SPC24: variants seen among roughly 807,000 people sequenced by gnomAD.
The protein encoded by SPC24 is SPC24 component of NDC80 kinetochore complex.
A neutral mutation model predicts 27.6 loss-of-function variants in SPC24; 31 were observed. The ratio of observed to expected loss-of-function variants is 1.12; its 90% CI spans 0.84 to 1.52. The LOEUF is 1.52. SPC24 is among the 40% of genes most tolerant of loss of function. SPC24 has a pLI of 0.00. For synonymous variants in SPC24, 105 were observed against 105.8 expected, an observed-to-expected ratio of 0.99 and a Z score of 0.05; for missense variants, 284 against 252.5, an observed-to-expected ratio of 1.12 and a Z score of -0.84.
intron 1 of SPC24, among the ~76,000 whole-genome samples, chr19:11,149,964 C>G (rs1328851317): frequency 6.6e-6 from 1 of 151,766 alleles, no homozygotes; most frequent in Non-Finnish European, 1.5e-5. Flanking sequence ...CCCGCCTCAG[C>G]TTCCCAAAGT....
chr19:11,149,114 G>A lies in SPC24; in HGVS notation c.285C>T (p.Thr95=), dbSNP rs2077850918. Reference sequence around the variant, plus strand: ...GATATAGGAGGCTGGCCTTCAGACGGGTGTCCTCCTCCCCAGCCTCCTGAA... The same window carrying A: ...GATATAGGAGGCTGGCCTTCAGACGAGTGTCCTCCTCCCCAGCCTCCTGAA... ...AGLQEAGEED[T]RLKASLLQLT... The change falls in exon 2 of 5, where the codon ACC becomes ACT. Residue 95 remains threonine (T), a synonymous_variant. Coordinates refer to ENST00000592540, the MANE Select transcript of SPC24 (RefSeq NM_182513.4). 6.5e-7 allele frequency: 1 copy of A among 1,545,312 alleles called. No individual in the cohort carries two copies. Among genetic ancestry groups the A allele is most frequent in the Non-Finnish European group, 8.7e-7 (1 of 1,145,270 alleles).
intron 1 of SPC24, among the ~76,000 whole-genome samples, chr19:11,153,513 G>A (rs1823527173): frequency 6.6e-6 from 1 of 152,104 alleles, no homozygotes; most frequent in African/African-American, 2.4e-5. Context: ...TATATTCCCA[G>A]CACTTTGGGA....
Position 11,147,286 on chromosome 19 carries a change from T to G in SPC24, c.491A>C (p.His164Pro), listed in dbSNP as rs1037808352. 1.3e-6 allele frequency: 2 copies of G among 1,563,538 alleles called. No individual in the cohort carries two copies. The highest frequency in any genetic ancestry group is 1.7e-6 in the Non-Finnish European group (2 of 1,153,234). ...ECEPGMVKGI[H>P]HGPSVAQPIH... ...GGGCTGGGCCACACTGGGGCCATGA[T>G]GGACTGAGGCACAGATGTAAGGAAA... The change falls in exon 5 of 5, where the codon CAT becomes CCT. Residue 164 changes from histidine (H) to proline (P), a missense_variant. His to Pro is a moderately conservative substitution (Grantham distance 77). Transcript: ENST00000592540.
intron 1 of SPC24, among the ~76,000 whole-genome samples, 158 bp downstream of exon 1, chr19:11,155,459 G>C (rs1365405218): frequency 2.6e-5 from 4 of 152,222 alleles, no homozygotes; most frequent in African/African-American, 9.6e-5. Context: ...CGATTTCTCA[G>C]ATGGTGAAAC....
intron 4 of SPC24, chr19:11,147,613 T>C (rs962878484): frequency 2.5e-5 from 15 of 593,072 alleles, no homozygotes; most frequent in African/African-American, 2.4e-4. Flanking sequence ...TTACTATATT[T>C]ATTATAGACG....
Position 11,147,200 on chromosome 19 carries a change from C to T in SPC24, c.577G>A (p.Val193Met). Reference sequence around the variant, plus strand: ...GCTCCTGGCTACCACTCGGTGTCCACCAGACTCCAGAGGTAGTCGCTGATG... The same window carrying T: ...GCTCCTGGCTACCACTCGGTGTCCATCAGACTCCAGAGGTAGTCGCTGATG... ...KFISDYLWSL[V>M]DTEW The change falls in exon 5 of 5, where the codon GTG (valine) becomes ATG (methionine). Residue 193 changes from valine (V) to methionine (M), a missense_variant. By Grantham distance (21) the Val-to-Met change is conservative. Coordinates refer to ENST00000592540, the MANE Select transcript of SPC24 (RefSeq NM_182513.4). 1 of 1,553,690 alleles carries T rather than the reference C, an allele frequency of 6.4e-7. No individual in the cohort carries two copies. The highest frequency in any genetic ancestry group is 8.7e-7 in the Non-Finnish European group (1 of 1,148,032).
rs1207630221 is a variant in SPC24, at chr19:11,145,715, T to C, written c.*1468A>G. The C allele has an allele frequency of 6.6e-6, 1 of 152,212 alleles. No individual in the cohort carries two copies. The highest frequency in any genetic ancestry group is 6.6e-5 in the Admixed American group (1 of 15,262). 9.4% of individuals were successfully genotyped at this position (152,212 alleles called of 1,614,324 possible). On this transcript the variant is annotated 3_prime_UTR_variant, in exon 5 of 5. Transcript: ENST00000592540. ...CACGTGGCAGTATGGCTGCCAGGGC[T>C]CCAGCCATCACACCCACATTCCAGG...
chr19:11,146,948 C>CAA lies in SPC24; in HGVS notation c.*234_*235insTT, dbSNP rs1438691285. On this transcript the variant is annotated 3_prime_UTR_variant, in exon 5 of 5. Transcript: ENST00000592540. ...ACAAAAAATTAGCTGGGTGTGGTGG[C>CAA]GCATGCCTGTAATCCCAGCTACTTT... 1 of 264,022 alleles carries CAA rather than the reference C, an allele frequency of 3.8e-6. No individual in the cohort carries two copies. The highest frequency in any genetic ancestry group is 7.3e-6 in the Non-Finnish European group (1 of 136,546). The allele number at this position is 264,022 out of a possible 1,614,324, so 16.4% of individuals were successfully genotyped here.
chr19:11,154,621 A>G (rs555131099), intron 1 of SPC24, among the ~76,000 whole-genome samples: 37 of 152,338 alleles, frequency 2.4e-4, no homozygotes, highest in African/African-American at 8.2e-4. Context: ...TCCATGAAAT[A>G]AGCCAGACAC....
Position 11,147,913 on chromosome 19 carries a change from A to G in SPC24, c.411-19T>C. 3 of 993,512 alleles carry G rather than the reference A, an allele frequency of 3.0e-6. No homozygotes were observed. The highest frequency in any genetic ancestry group is 3.8e-5 in the South Asian group (2 of 52,926). The allele number at this position is 993,512 out of a possible 1,614,324, so 61.5% of individuals were successfully genotyped here. ...CACGTACCTGTACAGGAAGACAAAA[A>G]AAAAAAAAAAAAAAAAAGAAAGTTA... On this transcript the variant is annotated intron_variant, in intron 3 of 4. Coordinates refer to ENST00000592540, the MANE Select transcript of SPC24 (RefSeq NM_182513.4).
chr19:11,151,174 AAAAAAAAAAAT>A (rs1399737022), intron 1 of SPC24, among the ~76,000 whole-genome samples: 2 of 151,764 alleles, frequency 1.3e-5, no homozygotes, highest in Non-Finnish European at 2.9e-5. Context: ...AAAAAAAAAA[AAAAAAAAAAAT>A]GCTTCCCAAA....
rs1266298523 is a variant in SPC24 at position 11,149,182 on chromosome 19, C to A, written c.217G>T (p.Val73Leu). 1 of 1,550,656 alleles carries A rather than the reference C, an allele frequency of 6.4e-7. No individual in the cohort carries two copies. Among genetic ancestry groups the A allele is most frequent in the Non-Finnish European group, 8.7e-7 (1 of 1,146,886 alleles). Residue 73 changes from valine to leucine, a missense_variant, in exon 2 of 5, where the codon GTG (valine) becomes TTG (leucine). Transcript: ENST00000592540. ...AQSLLNAKEQ[V>L]HQGGVELQQL... ...TGCAGCTCCACGCCTCCCTGGTGCA[C>A]CTGCTCCTTCGCATTGAGAAGGCTC...
At chr19:11,147,324 C>A (rs1419429486) in intron 4 of SPC24, 35 bp from the exon 5 acceptor site, 1 of 1,407,506 alleles carries the variant, frequency 7.1e-7, no homozygotes, top group Non-Finnish European at 9.7e-7. Context: ...CCGGGACACA[C>A]AGCCCCTCAC....
intron 2 of SPC24, 46 bp from the exon 3 acceptor site, chr19:11,148,163 C>T (rs771445127): frequency 7.6e-7 from 1 of 1,324,096 alleles, no homozygotes; most frequent in Non-Finnish European, 1.1e-6. Context: ...GAGGGCTGCC[C>T]CTGCGCTAAC....
chr19:11,150,368 C>T (rs1384872935), intron 1 of SPC24, among the ~76,000 whole-genome samples: 3 of 151,944 alleles, frequency 2.0e-5, no homozygotes, highest in African/African-American at 7.3e-5. Flanking sequence ...TGCCTGTAAT[C>T]CCAGCTACTT....
chr19:11,149,046 CCTATGCGTGTTTTCTAGCAAGG>C (rs771716480), intron 2 of SPC24, 26 bp downstream of exon 2: 3 of 1,439,308 alleles, frequency 2.1e-6, no homozygotes, highest in Non-Finnish European at 1.8e-6. Flanking sequence ...TGCGCCTGGC[CCTATGCGTGTTTTCTAGCAAGG>C]CTGATCCCCT....
chr19:11,151,570 G>T (rs2077871390), intron 1 of SPC24, among the ~76,000 whole-genome samples: 1 of 151,606 alleles, frequency 6.6e-6, no homozygotes, highest in African/African-American at 2.4e-5. Flanking sequence ...TCATTATAAG[G>T]TGCTCCTACC....
intron 2 of SPC24, among the ~76,000 whole-genome samples, chr19:11,148,513 T>C (rs1277859180): frequency 6.8e-6 from 1 of 146,558 alleles, no homozygotes; most frequent in Non-Finnish European, 1.5e-5. Flanking sequence ...TGGTCTTTTC[T>C]TTTTTTTTTG....
At chr19:11,153,908 A>G (rs577927948) in intron 1 of SPC24, among the ~76,000 whole-genome samples, 1 of 70,256 alleles carries the variant, frequency 1.4e-5, no homozygotes, top group East Asian at 2.8e-4. Context: ...TCTACTAAAA[A>G]AATATATATA....
Sources: allele counts gnomAD v4.1 joint callset (sites outside exome capture counted in the v4.1 genomes callset), GRCh38; gene constraint gnomAD v4.1.1; transcripts MANE v1.5; gene names NCBI Gene and HGNC (gene_info 2026-07-23, HGNC 2026-07-21).